The following PCLO variants were observed in gnomAD, a reference collection of about 807,000 sequenced individuals.
PCLO encodes the protein piccolo presynaptic cytomatrix protein.
A neutral mutation model predicts 427.5 loss-of-function variants in PCLO; 82 were observed. The ratio of observed to expected loss-of-function variants is 0.19; its 90% CI spans 0.16 to 0.23. The LOEUF (loss-of-function observed/expected upper bound fraction) is 0.23, where lower values mean the gene tolerates loss of function less well. Ranked by LOEUF, PCLO falls within the 10% of genes least tolerant of loss-of-function variation. The pLI, the probability that PCLO is intolerant of heterozygous loss-of-function variation, is 1.00. For synonymous variants in PCLO, 2,357 were observed against 2,155.4 expected (o/e 1.09, Z -2.59); for missense variants, 6,239 against 6,115.9 (o/e 1.02, Z -0.67).
rs1177360955 is a variant in PCLO at position 82,952,533 on chromosome 7, G to C, written c.8420C>G (p.Thr2807Ser). The C allele has an allele frequency of 1.2e-6, 2 of 1,613,830 alleles. No homozygotes were observed. Among genetic ancestry groups the C allele is most frequent in the African/African-American group, 2.7e-5 (2 of 74,928 alleles). ...FVTCTASASY[T>S]TGTESLVGAE... Reference sequence around the variant, plus strand: ...ACCCACTAGGCTTTCTGTGCCTGTAGTGTAACTTGCACTAGCTGTGCATGT... The same window carrying C: ...ACCCACTAGGCTTTCTGTGCCTGTACTGTAACTTGCACTAGCTGTGCATGT... The change falls in exon 5 of 25, where the codon ACT (threonine) becomes AGT (serine). Residue 2807 changes from threonine to serine, a missense_variant. Physicochemically the swap from Thr to Ser is moderately conservative, Grantham distance 58. Transcript: ENST00000333891.
intron 3 of PCLO, among the ~76,000 whole-genome samples, chr7:83,067,710 A>G (rs1789702697): frequency 6.6e-6 from 1 of 152,194 alleles, no homozygotes; most frequent in South Asian, 2.1e-4. Flanking sequence ...CTTGTTTAAC[A>G]TGACTTGTTT....
At chr7:83,067,079 T>C (rs867506431) in intron 3 of PCLO, among the ~76,000 whole-genome samples, 1 of 152,350 alleles carries the variant, frequency 6.6e-6, no homozygotes, top group East Asian at 1.9e-4. Context: ...CTGTATAAGG[T>C]ATATATGAAA....
intron 3 of PCLO, among the ~76,000 whole-genome samples, chr7:83,042,770 G>A (rs569805157): frequency 7.2e-5 from 11 of 152,176 alleles, no homozygotes; most frequent in Non-Finnish European, 1.5e-4. Context: ...GCTGAGGCAG[G>A]AGAATTGCTT....
intron 3 of PCLO, among the ~76,000 whole-genome samples, chr7:82,983,873 G>A (rs1436027213): frequency 1.3e-5 from 2 of 152,038 alleles, no homozygotes; most frequent in South Asian, 2.1e-4. Context: ...AAGTGAAGAT[G>A]TTATCATCCT....
intron 24 of PCLO, among the ~76,000 whole-genome samples, chr7:82,760,154 G>C (rs901019626): frequency 6.6e-6 from 1 of 151,954 alleles, no homozygotes; most frequent in Non-Finnish European, 1.5e-5. Flanking sequence ...TATCCAAGGA[G>C]CTGAGACTAA....
intron 16 of PCLO, among the ~76,000 whole-genome samples, chr7:82,835,156 G>A (rs1792200185): frequency 6.6e-6 from 1 of 152,008 alleles, no homozygotes; most frequent in African/African-American, 2.4e-5. Context: ...GTGTTAGCTA[G>A]GATGGTCTCG....
Position 82,955,805 on chromosome 7 carries a change from T to C in PCLO, c.5148A>G (p.Gly1716=), listed in dbSNP as rs1300112769. 6.2e-7 allele frequency: 1 copy of C among 1,613,958 alleles called. No homozygotes were observed. The highest frequency in any genetic ancestry group is 8.5e-7 in the Non-Finnish European group (1 of 1,179,882). ...DSPEDRSRGE[G]SSSLHASSFT... Reference sequence around the variant, plus strand: ...AGCTGGAAGCATGCAGACTCGAAGATCCCTCTCCCCTTGACCTATCTTCAG... The same window carrying C: ...AGCTGGAAGCATGCAGACTCGAAGACCCCTCTCCCCTTGACCTATCTTCAG... Residue 1716 remains glycine, a synonymous_variant, in exon 5 of 25, where the codon GGA becomes GGG. Transcript: ENST00000333891.
chr7:83,016,211 A>C (rs1431906790), intron 3 of PCLO, among the ~76,000 whole-genome samples: 1 of 152,178 alleles, frequency 6.6e-6, no homozygotes, highest in East Asian at 1.9e-4. Flanking sequence ...TGCCAAAATC[A>C]GGAAATGTCA....
intron 3 of PCLO, among the ~76,000 whole-genome samples, chr7:83,002,288 A>T (rs896963241): frequency 6.6e-6 from 1 of 151,834 alleles, no homozygotes; most frequent in South Asian, 2.1e-4. Flanking sequence ...CTATTCATTA[A>T]TTATCTCTTA....
Position 82,988,253 on chromosome 7 carries a change from C to A in PCLO, c.3301-21766G>T, listed in dbSNP as rs55771929. Among the ~76,000 whole-genome samples, 1,000 of 152,082 alleles carry A rather than the reference C, an allele frequency of 6.6e-3. 10 individuals are homozygous for A. The highest frequency in any genetic ancestry group is 0.023 in the African/African-American group (935 of 41,496). The stretch of plus-strand genomic sequence containing the variant: ...CTGTACTGTCCAGACTGTTCTTAAA[C>A]TCCTGACTCAAGCCATCCTTTCACC... On this transcript the variant is annotated intron_variant, in intron 3 of 24. Coordinates refer to ENST00000333891, the MANE Select transcript of PCLO (RefSeq NM_033026.6).
intron 3 of PCLO, among the ~76,000 whole-genome samples, chr7:83,032,866 G>A (rs1298543255): frequency 6.6e-6 from 1 of 152,056 alleles, no homozygotes; most frequent in East Asian, 1.9e-4. Context: ...AGGTTGATAT[G>A]GTTTGGCTGT....
intron 6 of PCLO, among the ~76,000 whole-genome samples, chr7:82,930,881 TCAA>T (rs1794824681): frequency 6.6e-6 from 1 of 152,162 alleles, no homozygotes; most frequent in African/African-American, 2.4e-5. Flanking sequence ...ACTTGTAGAT[TCAA>T]CATAATTTCT....
intron 13 of PCLO, among the ~76,000 whole-genome samples, chr7:82,844,669 T>C (rs1048143282): frequency 2.0e-5 from 3 of 152,302 alleles, no homozygotes; most frequent in South Asian, 2.1e-4. Context: ...ATAAATTTTG[T>C]ATATTTCCTC....
chr7:82,809,560 G>C (rs931220265), intron 20 of PCLO, among the ~76,000 whole-genome samples: 2 of 151,186 alleles, frequency 1.3e-5, no homozygotes, highest in African/African-American at 4.9e-5. Flanking sequence ...TTCCTTAAAA[G>C]CTTGTCCCGG....
intron 3 of PCLO, among the ~76,000 whole-genome samples, chr7:83,047,992 G>A (rs959677398): frequency 6.6e-6 from 1 of 151,974 alleles, no homozygotes; most frequent in African/African-American, 2.4e-5. Flanking sequence ...CCAGATAGAA[G>A]GTCCAAATTT....
chr7:82,795,747 G>T (rs1038267707), intron 22 of PCLO, among the ~76,000 whole-genome samples: 1 of 152,096 alleles, frequency 6.6e-6, no homozygotes, highest in Non-Finnish European at 1.5e-5. Context: ...TGTGACAAAT[G>T]AACCAGACAA....
intron 22 of PCLO, among the ~76,000 whole-genome samples, chr7:82,790,365 C>G (rs571301851): frequency 6.6e-6 from 1 of 152,146 alleles, no homozygotes; most frequent in African/African-American, 2.4e-5. Flanking sequence ...CTCCCTCCAG[C>G]GCAGAACTAT....
At chr7:83,025,956 G>A (rs1274139327) in intron 3 of PCLO, among the ~76,000 whole-genome samples, 9 of 151,820 alleles carry the variant, frequency 5.9e-5, no homozygotes, top group Admixed American at 2.6e-4. Flanking sequence ...TGAAGGAAGC[G>A]CTAAACATGG....
intron 3 of PCLO, among the ~76,000 whole-genome samples, chr7:83,127,913 T>A (rs1157194169): frequency 6.6e-6 from 1 of 152,080 alleles, no homozygotes; most frequent in East Asian, 1.9e-4. Context: ...GCATCAGCAG[T>A]GTATCTCTTG....
Sources: allele counts gnomAD v4.1 joint callset (sites outside exome capture counted in the v4.1 genomes callset), GRCh38; gene constraint gnomAD v4.1.1; transcripts MANE v1.5; gene names NCBI Gene and HGNC (gene_info 2026-07-23, HGNC 2026-07-21).